Variants in CCDC138 observed in about 807,000 individuals in gnomAD.
CCDC138 encodes the protein coiled-coil domain containing 138.
CCDC138 carries 66 observed loss-of-function variants against 82.3 expected under a neutral mutation model. That is an observed-to-expected ratio of 0.80 (90% CI 0.66 to 0.98). The LOEUF (loss-of-function observed/expected upper bound fraction) is 0.98. CCDC138 is among the 50% of genes least tolerant of loss of function. The pLI is 0.00. For missense variants in CCDC138, 816 were observed against 758.9 expected (o/e 1.08, Z -0.88); for synonymous variants, 297 against 265.4 (o/e 1.12, Z -1.16).
At chr2:108,878,113 G>A (rs1259808657), downstream of CCDC138, among the ~76,000 whole-genome samples, 1 of 152,172 alleles carries the variant, frequency 6.6e-6, no homozygotes, top group Non-Finnish European at 1.5e-5. Flanking sequence ...AGAGATGAAA[G>A]AAAACAGTTT....
intron 12 of CCDC138, among the ~76,000 whole-genome samples, chr2:108,856,215 ACT>A (rs1692574221): frequency 6.6e-6 from 1 of 152,116 alleles, no homozygotes; most frequent in Non-Finnish European, 1.5e-5. Flanking sequence ...TTGTCACAGC[ACT>A]GGCCTGGGTA....
intron 13 of CCDC138, among the ~76,000 whole-genome samples, chr2:108,871,127 GGATA>G (rs1209298436): frequency 1.3e-5 from 2 of 151,974 alleles, no homozygotes; most frequent in African/African-American, 4.8e-5. Context: ...ATGGATGAAT[GGATA>G]GATAGAAGGA....
At chr2:108,861,836 C>T (rs976635411) in intron 13 of CCDC138, among the ~76,000 whole-genome samples, 45 of 152,088 alleles carry the variant, frequency 3.0e-4, no homozygotes, top group Non-Finnish European at 6.2e-4. Context: ...CGCGCCCAGC[C>T]TAAACTTTCT....
intron 9 of CCDC138, among the ~76,000 whole-genome samples, chr2:108,814,056 T>C (rs1464748189): frequency 1.3e-5 from 2 of 152,204 alleles, no homozygotes; most frequent in Non-Finnish European, 2.9e-5. Context: ...CGAATATTGG[T>C]GTACAGAGTT....
At chr2:108,872,625 G>A (rs892560436) in intron 13 of CCDC138, among the ~76,000 whole-genome samples, 2 of 152,076 alleles carry the variant, frequency 1.3e-5, no homozygotes, top group African/African-American at 4.8e-5. Flanking sequence ...TCTTGCGAGG[G>A]CTTCTTGTTG....
chr2:108,867,004 TA>T (rs1198402379), intron 13 of CCDC138, among the ~76,000 whole-genome samples: 2 of 152,204 alleles, frequency 1.3e-5, no homozygotes, highest in African/African-American at 2.4e-5. Context: ...TATATTGTTA[TA>T]TTGTTTATGG....
rs1679423321 is a variant in CCDC138, at chr2:108,788,875, G to A, written c.175G>A (p.Asp59Asn). ...AGGTGATTTGGATATCTACTCTGGA[G>A]ATAAAGTTGGTTCATCGTTAAAATA... ...SPGDLDIYSG[D>N]KVGSSLKYSD... The change falls in exon 3 of 15, where the codon GAT becomes AAT. Residue 59 changes from aspartate to asparagine, a missense_variant. By Grantham distance (23) the Asp-to-Asn change is conservative. Transcript: ENST00000295124. 6.2e-7 allele frequency: 1 copy of A among 1,614,088 alleles called. No homozygotes were observed. The highest frequency in any genetic ancestry group is 1.3e-5 in the African/African-American group (1 of 75,068).
chr2:108,800,777 C>T (rs2149596365), intron 6 of CCDC138, among the ~76,000 whole-genome samples: 1 of 115,136 alleles, frequency 8.7e-6, no homozygotes, highest in South Asian at 3.2e-4. Flanking sequence ...TCCCTCCCCA[C>T]TCCCCCCACC....
intron 11 of CCDC138, among the ~76,000 whole-genome samples, chr2:108,840,296 C>T (rs2150444126): frequency 6.6e-6 from 1 of 151,986 alleles, no homozygotes; most frequent in African/African-American, 2.4e-5. Flanking sequence ...AAATATTTGT[C>T]TATAGTTTTG....
chr2:108,861,472 CTTTTTTTTTTTTTTTT>C (rs201132350), intron 13 of CCDC138, among the ~76,000 whole-genome samples: 3 of 123,524 alleles, frequency 2.4e-5, no homozygotes, highest in Non-Finnish European at 3.2e-5. Flanking sequence ...AACTTTCTTC[CTTTTTTTTTTTTTTTT>C]TTTTTTTTTT....
At position 108,846,778 on chromosome 2, in the gene CCDC138, A is replaced by G. The variant is rs778706397; in HGVS notation, c.1364A>G (p.Asp455Gly). ...TCAACATTGAGGAGATTGGGTGAAG[A>G]CATTTTTAAAGGAGTGGTAACTAAA... ...MTSTLRRLGE[D>G]IFKGVVTKGI... Residue 455 changes from aspartate (D) to glycine (G), a missense_variant, in exon 12 of 15, where the codon GAC (aspartate) becomes GGC (glycine). Coordinates refer to ENST00000295124, the MANE Select transcript of CCDC138 (RefSeq NM_144978.3). 1.9e-6 allele frequency: 3 copies of G among 1,613,044 alleles called. No homozygotes were observed. The highest frequency in any genetic ancestry group is 3.3e-5 in the Admixed American group (2 of 59,884).
At chr2:108,867,734 C>A (rs1282188733) in intron 13 of CCDC138, among the ~76,000 whole-genome samples, 2 of 151,990 alleles carry the variant, frequency 1.3e-5, no homozygotes, top group African/African-American at 2.4e-5. Flanking sequence ...TTAAATATTT[C>A]TTTAGCCTTA....
intron 2 of CCDC138, 32 bp downstream of exon 2, chr2:108,788,121 C>A: frequency 6.3e-7 from 1 of 1,589,192 alleles, no homozygotes; most frequent in Admixed American, 1.9e-5. Flanking sequence ...TTGGGGGTTT[C>A]AAAAATTTAA....
chr2:108,879,248 A>G (rs570817747), downstream of CCDC138, among the ~76,000 whole-genome samples: 10 of 152,370 alleles, frequency 6.6e-5, no homozygotes, highest in East Asian at 1.9e-4. Flanking sequence ...CTGGGATTAC[A>G]AGCATGAACC....
At chr2:108,815,243 AT>A (rs1468443121) in intron 9 of CCDC138, among the ~76,000 whole-genome samples, 2 of 151,796 alleles carry the variant, frequency 1.3e-5, no homozygotes, top group Non-Finnish European at 2.9e-5. Flanking sequence ...GAAACCATTA[AT>A]TTTTTTTAGA....
chr2:108,789,137 C>G (rs1326322409), intron 3 of CCDC138, among the ~76,000 whole-genome samples, 171 bp downstream of exon 3: 1 of 152,204 alleles, frequency 6.6e-6, no homozygotes, highest in African/African-American at 2.4e-5. Context: ...TTAATTTTTA[C>G]TGAGAATCTC....
intron 13 of CCDC138, among the ~76,000 whole-genome samples, chr2:108,868,403 G>A (rs1694745085): frequency 1.3e-5 from 2 of 152,124 alleles, no homozygotes; most frequent in Admixed American, 1.3e-4. Flanking sequence ...ATAAATTTAT[G>A]TAAAATATTG....
At chr2:108,844,889 A>G (rs751185826) in intron 11 of CCDC138, among the ~76,000 whole-genome samples, 3 of 151,936 alleles carry the variant, frequency 2.0e-5, no homozygotes. Context: ...CTGAGATTAC[A>G]GGTGCACGCC....
chr2:108,842,453 G>T (rs780316277), intron 11 of CCDC138, among the ~76,000 whole-genome samples: 4 of 152,162 alleles, frequency 2.6e-5, no homozygotes, highest in Non-Finnish European at 4.4e-5. Context: ...GAGAGAAAGG[G>T]ACCTGTGGGC....
Sources: allele counts gnomAD v4.1 joint callset (sites outside exome capture counted in the v4.1 genomes callset), GRCh38; gene constraint gnomAD v4.1.1; transcripts MANE v1.5; gene names NCBI Gene and HGNC (gene_info 2026-07-23, HGNC 2026-07-21).